The following KIRREL3 variants were observed in gnomAD, a reference collection of about 807,000 sequenced individuals.
KIRREL3 encodes the protein kin of IRRE-like protein 3.
A neutral mutation model predicts 89.7 loss-of-function variants in KIRREL3; 36 were observed. The ratio of observed to expected loss-of-function variants is 0.40; its 90% CI spans 0.31 to 0.53. The LOEUF is 0.53. Ranked by LOEUF, KIRREL3 falls within the 20% of genes least tolerant of loss-of-function variation. The pLI is 0.49. For missense variants in KIRREL3, 864 were observed against 1,056.6 expected (o/e 0.82, Z 2.53); for synonymous variants, 445 against 441.4 (o/e 1.01, Z -0.10).
In KIRREL3 at chr11:126,535,525, C is replaced by T. The variant is rs1437828960; in HGVS notation, c.134-8838G>A. Among the ~76,000 whole-genome samples, 4 of 152,098 alleles carry T rather than the reference C, an allele frequency of 2.6e-5. No individual in the cohort carries two copies. The highest frequency in any genetic ancestry group is 2.0e-4 in the Admixed American group (3 of 15,278). ...TGGAAGGCGCAGATTACAAGGGCCA[C>T]GTCACTCGGTGTGATGGTCTTAGGG... is the stretch of plus-strand genomic sequence containing the variant. On this transcript the variant is annotated intron_variant, in intron 2 of 16. Transcript: ENST00000525144. This position sits in a 1 kb window ranked among gnomAD's most constrained non-coding sequence, Gnocchi z 4.5.
At position 126,770,076 on chromosome 11, in the gene KIRREL3, C is replaced by T. The variant is rs374716319; in HGVS notation, c.56-207164G>A. ...CCTCTTTTCTCCCGCAATTCCAAGC[C>T]TTCTGAGTCCAGCTAAACTGCAGTT... On this transcript the variant is annotated intron_variant, in intron 1 of 16. Transcript: ENST00000525144. Among the ~76,000 whole-genome samples the T allele has an allele frequency of 5.3e-5, 8 of 152,042 alleles. No homozygotes were observed. The East Asian group carries it at 9.6e-4, about 18-fold the overall frequency.
intron 1 of KIRREL3, among the ~76,000 whole-genome samples, chr11:126,722,773 T>C (rs989544363): frequency 3.3e-5 from 5 of 152,270 alleles, no homozygotes; most frequent in Non-Finnish European, 7.3e-5. Context: ...TTTGTCTGTC[T>C]TCTGAATTAC....
chr11:126,794,203 G>A (rs74740356), intron 1 of KIRREL3, among the ~76,000 whole-genome samples: 5,073 of 152,268 alleles, frequency 0.033, 282 homozygotes, highest in African/African-American at 0.11. Context: ...AATATTAAGT[G>A]TCAAATTTCA....
chr11:126,437,015 C>CGGG lies in KIRREL3; in HGVS notation c.1354-9_1354-7dup, dbSNP rs1298755270. 1.3e-6 allele frequency: 2 copies of CGGG among 1,519,092 alleles called. No individual in the cohort carries two copies. The highest frequency in any genetic ancestry group is 1.8e-6 in the Non-Finnish European group (2 of 1,126,456). The allele number at this position is 1,519,092 out of a possible 1,614,324, so 94.1% of individuals were successfully genotyped here. On this transcript the variant is annotated splice_region_variant and splice_polypyrimidine_tract_variant and intron_variant, in intron 11 of 16. Coordinates refer to ENST00000525144, the MANE Select transcript of KIRREL3 (RefSeq NM_032531.4). ...TTCTCCTTCCAGGACCAGGCCTGCCCGGGGGCGCAGAATCAGGAGGAGACC... is the reference window on the plus strand; with the variant it reads ...TTCTCCTTCCAGGACCAGGCCTGCCCGGGGGGGGCGCAGAATCAGGAGGAGACC...
chr11:126,589,365 G>C (rs952866032), intron 1 of KIRREL3, among the ~76,000 whole-genome samples: 3 of 152,232 alleles, frequency 2.0e-5, no homozygotes, highest in Non-Finnish European at 4.4e-5. Flanking sequence ...ACTGTGGCCA[G>C]CTTTGTCCGG....
chr11:126,518,092 G>A (rs943501767), intron 4 of KIRREL3, among the ~76,000 whole-genome samples: 11 of 152,238 alleles, frequency 7.2e-5, no homozygotes, highest in African/African-American at 2.4e-4. Flanking sequence ...GCCTTCCCCC[G>A]TCTTTCCCTC....
chr11:126,762,037 G>A (rs1446916785), intron 1 of KIRREL3, among the ~76,000 whole-genome samples: 1 of 152,082 alleles, frequency 6.6e-6, no homozygotes, highest in Non-Finnish European at 1.5e-5. Flanking sequence ...AAGTTAGCTG[G>A]GGATGGTGGT....
In KIRREL3 at chr11:126,807,388, G is replaced by A. The variant is rs1024970527; in HGVS notation, c.55+193067C>T. On this transcript the variant is annotated intron_variant, in intron 1 of 16. Transcript: ENST00000525144. This position sits in a 1 kb window ranked among gnomAD's most constrained non-coding sequence, Gnocchi z 4.3. ...AACCTGGGGAATGAAACTCTGCCATGTACACATGTTCTAACCTGTATTTTG... is the reference window on the plus strand; with the variant it reads ...AACCTGGGGAATGAAACTCTGCCATATACACATGTTCTAACCTGTATTTTG... Among the ~76,000 whole-genome samples, 4 of 152,230 alleles carry A rather than the reference G, an allele frequency of 2.6e-5. No homozygotes were observed. Among genetic ancestry groups the A allele is most frequent in the African/African-American group, 9.6e-5 (4 of 41,468 alleles).
At chr11:126,884,856 G>T (rs996204994) in intron 1 of KIRREL3, among the ~76,000 whole-genome samples, 3 of 152,062 alleles carry the variant, frequency 2.0e-5, no homozygotes, top group Non-Finnish European at 4.4e-5. Flanking sequence ...GTAGATATCA[G>T]AAATGCAACC....
intron 2 of KIRREL3, among the ~76,000 whole-genome samples, chr11:126,543,199 C>T (rs971242253): frequency 3.9e-5 from 6 of 152,154 alleles, no homozygotes; most frequent in Non-Finnish European, 7.3e-5. Flanking sequence ...AACTAACTTG[C>T]CATTACTGCC....
chr11:126,497,868 C>A (rs1228624047), intron 4 of KIRREL3, among the ~76,000 whole-genome samples: 1 of 152,220 alleles, frequency 6.6e-6, no homozygotes, highest in Non-Finnish European at 1.5e-5. Context: ...TTTCTCTGTG[C>A]CAAGCCTGGG....
At chr11:126,963,310 TAC>T (rs10626906) in intron 1 of KIRREL3, among the ~76,000 whole-genome samples, 191 of 146,126 alleles carry the variant, frequency 1.3e-3, no homozygotes, top group East Asian at 4.0e-3. Flanking sequence ...AGAACACACA[TAC>T]ACACACACAC....
In KIRREL3 at chr11:126,570,711, A is replaced by G. The variant is rs183479620; in HGVS notation, c.56-7799T>C. Among the ~76,000 whole-genome samples, 13 of 152,350 alleles carry G rather than the reference A, an allele frequency of 8.5e-5. No individual in the cohort carries two copies. The highest frequency in any genetic ancestry group is 3.4e-3 in the Middle Eastern group (1 of 294). On this transcript the variant is annotated intron_variant, in intron 1 of 16. Coordinates refer to ENST00000525144, the MANE Select transcript of KIRREL3 (RefSeq NM_032531.4). The surrounding 1 kb of genome is among the most constrained non-coding windows in gnomAD (Gnocchi z 6.1). ...CATAGCTCTATCCCCCATGCGGCCA[A>G]GGCAGGCATTATCAGCAACTCCTCA...
At chr11:126,469,236 G>A (rs1841592567) in intron 5 of KIRREL3, among the ~76,000 whole-genome samples, 2 of 152,248 alleles carry the variant, frequency 1.3e-5, no homozygotes, top group Non-Finnish European at 2.9e-5. Context: ...CATCCACCAT[G>A]TGACAGCCAC....
At position 126,669,064 on chromosome 11, in the gene KIRREL3, A is replaced by G. The variant is rs1272642585; in HGVS notation, c.56-106152T>C. Among the ~76,000 whole-genome samples, 1 of 152,102 alleles carries G rather than the reference A, an allele frequency of 6.6e-6. No individual in the cohort carries two copies. The highest frequency in any genetic ancestry group is 1.9e-4 in the East Asian group (1 of 5,184). On this transcript the variant is annotated intron_variant, in intron 1 of 16. Coordinates refer to ENST00000525144, the MANE Select transcript of KIRREL3 (RefSeq NM_032531.4). The surrounding 1 kb of genome is among the most constrained non-coding windows in gnomAD (Gnocchi z 5.0). ...TCATCCCTTTTTGACAATTCTTGGTAAAAGCTTTGCAAGTATGGAGCTAAT... is the reference window on the plus strand; with the variant it reads ...TCATCCCTTTTTGACAATTCTTGGTGAAAGCTTTGCAAGTATGGAGCTAAT...
chr11:126,779,860 G>A (rs1950274265), intron 1 of KIRREL3, among the ~76,000 whole-genome samples: 1 of 152,036 alleles, frequency 6.6e-6, no homozygotes, highest in Non-Finnish European at 1.5e-5. Context: ...TCTGTCTTAG[G>A]ATCAAGCAGA....
chr11:126,437,330 T>C (rs1268594660), intron 11 of KIRREL3, among the ~76,000 whole-genome samples: 1 of 152,088 alleles, frequency 6.6e-6, no homozygotes, highest in East Asian at 1.9e-4. Flanking sequence ...CCAACACGTT[T>C]ATATACATAC....
At chr11:126,784,076 A>T (rs1289111953) in intron 1 of KIRREL3, among the ~76,000 whole-genome samples, 2 of 152,226 alleles carry the variant, frequency 1.3e-5, no homozygotes, top group Non-Finnish European at 2.9e-5. Flanking sequence ...GAAGGTCATA[A>T]AAAACAAACA....
chr11:126,456,057 T>TTTTTTTTTTTTTTTTTTTTTTTTC (rs147218473), intron 7 of KIRREL3, among the ~76,000 whole-genome samples: 1 of 109,744 alleles, frequency 9.1e-6, no homozygotes. Flanking sequence ...TTTTTTTTTT[T>TTTTTTTTTTTTTTTTTTTTTTTTC]CCTGAGCCTT....
Sources: allele counts gnomAD v4.1 joint callset (sites outside exome capture counted in the v4.1 genomes callset), GRCh38; gene constraint gnomAD v4.1.1; non-coding constraint Gnocchi (gnomAD v3.1); transcripts MANE v1.5; gene names NCBI Gene and HGNC (gene_info 2026-07-23, HGNC 2026-07-21).